FRMD3: variants seen among roughly 807,000 people sequenced by gnomAD.
FRMD3 encodes the protein FERM domain containing 3.
In FRMD3, 33 loss-of-function variants were observed where a neutral mutation model predicts 70.2. The ratio of observed to expected loss-of-function variants is 0.47; its 90% CI spans 0.36 to 0.63. The LOEUF (loss-of-function observed/expected upper bound fraction) is 0.63. Among genes scored for constraint, FRMD3 ranks in the 20% least tolerant of loss-of-function variants. The pLI is 0.00. For synonymous variants in FRMD3, 279 were observed against 255.9 expected (o/e 1.09, Z -0.86); for missense variants, 632 against 711.4 (o/e 0.89, Z 1.27).
At chr9:83,499,182 CAGTA>C (rs1829009832) in intron 1 of FRMD3, among the ~76,000 whole-genome samples, 1 of 152,134 alleles carries the variant, frequency 6.6e-6, no homozygotes, top group Admixed American at 6.5e-5. Flanking sequence ...ATTCTGGGTG[CAGTA>C]CTGTCCAAAA....
chr9:83,462,411 T>A (rs1828001654), intron 1 of FRMD3, among the ~76,000 whole-genome samples: 1 of 152,198 alleles, frequency 6.6e-6, no homozygotes, highest in Non-Finnish European at 1.5e-5. Context: ...ACAGCTAAGA[T>A]GCCCATTTTC....
intron 2 of FRMD3, among the ~76,000 whole-genome samples, chr9:83,386,737 CTA>C (rs1825520643): frequency 1.3e-5 from 2 of 152,170 alleles, no homozygotes; most frequent in Admixed American, 1.3e-4. Context: ...CTATACTTGT[CTA>C]TGTTTCAGGA....
rs201712049 is a variant in FRMD3 at position 83,538,035 on chromosome 9, C to T, written c.147+50G>A. On this transcript the variant is annotated intron_variant, in intron 1 of 13. Coordinates refer to ENST00000304195, the MANE Select transcript of FRMD3 (RefSeq NM_174938.6). The surrounding 1 kb of genome is among the most constrained non-coding windows in gnomAD (Gnocchi z 4.7). Reference sequence around the variant, plus strand: ...TCGCATGCCCACCGCAAAGGCCCCCCGCCCTGCTCCCGGCGTGTGCCCCGC... The same window carrying T: ...TCGCATGCCCACCGCAAAGGCCCCCTGCCCTGCTCCCGGCGTGTGCCCCGC... The T allele has an allele frequency of 1.8e-4, 295 of 1,596,062 alleles. 2 individuals are homozygous for T. In the East Asian group the frequency reaches 6.5e-3, roughly 35 times the overall value.
At chr9:83,347,952 C>G (rs960911524) in intron 4 of FRMD3, among the ~76,000 whole-genome samples, 2 of 152,194 alleles carry the variant, frequency 1.3e-5, no homozygotes, top group Non-Finnish European at 2.9e-5. Context: ...CATACCTGAG[C>G]TATTTAGTCA....
chr9:83,481,234 T>C (rs1307947180), intron 1 of FRMD3, among the ~76,000 whole-genome samples: 2 of 152,198 alleles, frequency 1.3e-5, no homozygotes, highest in Non-Finnish European at 2.9e-5. Context: ...TATTACATTA[T>C]TATAAACAAA....
chr9:83,475,924 C>A (rs980291152), intron 1 of FRMD3, among the ~76,000 whole-genome samples: 1 of 152,176 alleles, frequency 6.6e-6, no homozygotes, highest in South Asian at 2.1e-4. Context: ...TTCCTCCTCC[C>A]CCCAGGCCTC....
intron 1 of FRMD3, among the ~76,000 whole-genome samples, chr9:83,490,154 C>A (rs1208702242): frequency 6.6e-6 from 1 of 152,146 alleles, no homozygotes; most frequent in Non-Finnish European, 1.5e-5. Context: ...AGAAACAGAA[C>A]TACAAATCTG....
intron 1 of FRMD3, among the ~76,000 whole-genome samples, chr9:83,508,374 C>G (rs1357814056): frequency 6.6e-6 from 1 of 152,232 alleles, no homozygotes; most frequent in African/African-American, 2.4e-5. Context: ...AAACATCATG[C>G]TGTACGCACA....
chr9:83,420,937 CTTTTTTTTTTTT>C (rs897070718), intron 1 of FRMD3, among the ~76,000 whole-genome samples: 9 of 107,718 alleles, frequency 8.4e-5, no homozygotes, highest in African/African-American at 3.4e-4. Context: ...TTTCTTTCTT[CTTTTTTTTTTTT>C]TTTTTTTTTG....
intron 8 of FRMD3, 92 bp downstream of exon 8, chr9:83,311,795 T>C: frequency 1.1e-6 from 1 of 871,882 alleles, no homozygotes; most frequent in Non-Finnish European, 1.9e-6. Flanking sequence ...ATACCAGGCA[T>C]TCTACCTGAC....
At position 83,468,035 on chromosome 9, in the gene FRMD3, A is replaced by T. The variant is rs1828175840; in HGVS notation, c.147+70050T>A. ...AAAAATCAGTGGGAATAAAGACATC[A>T]GCCAAAAAATGAGTTCATTGTTCAT... On this transcript the variant is annotated intron_variant, in intron 1 of 13. Transcript: ENST00000304195. 3.9e-5 allele frequency among the ~76,000 whole-genome samples: 6 copies of T among 152,322 alleles called. No individual in the cohort carries two copies. In the South Asian group the frequency reaches 1.2e-3, roughly 32 times the overall value.
At chr9:83,426,630 G>A (rs1826819236) in intron 1 of FRMD3, among the ~76,000 whole-genome samples, 1 of 152,218 alleles carries the variant, frequency 6.6e-6, no homozygotes, top group South Asian at 2.1e-4. Flanking sequence ...GGATAAGTGG[G>A]AGGAGGCATT....
At position 83,538,233 on chromosome 9, in the gene FRMD3, C is replaced by T. The variant is rs1829945328; in HGVS notation, c.-2G>A. ...CACACAGTGGCAGGAGGCGAACATG[C>T]ACCGCGGCCGTGGGGAGCGAGCGGG... On this transcript the variant is annotated 5_prime_UTR_variant, in exon 1 of 14. Coordinates refer to ENST00000304195, the MANE Select transcript of FRMD3 (RefSeq NM_174938.6). This position sits in a 1 kb window ranked among gnomAD's most constrained non-coding sequence, Gnocchi z 4.7. 6.4e-7 allele frequency: 1 copy of T among 1,562,626 alleles called. No individual in the cohort carries two copies. The highest frequency in any genetic ancestry group is 1.4e-5 in the African/African-American group (1 of 73,796).
the FRMD3 span, among the ~76,000 whole-genome samples, chr9:83,580,534 T>A: frequency 1.3e-5 from 2 of 152,126 alleles, no homozygotes; most frequent in African/African-American, 4.8e-5. Context: ...TACCTCGTGA[T>A]CTCACTTATA....
At chr9:83,420,154 T>C (rs115468906) in intron 1 of FRMD3, among the ~76,000 whole-genome samples, 1 of 152,316 alleles carries the variant, frequency 6.6e-6, no homozygotes, top group African/African-American at 2.4e-5. Flanking sequence ...GTGTGCTCTG[T>C]TACCCTGTAA....
chr9:83,480,012 C>T (rs138338979), intron 1 of FRMD3, among the ~76,000 whole-genome samples: 281 of 152,238 alleles, frequency 1.8e-3, no homozygotes, highest in South Asian at 3.7e-3. Context: ...TAAATTAGTG[C>T]AACCTTTGAG....
rs769654659 is a variant in FRMD3 at position 83,311,953 on chromosome 9, A to C, written c.707T>G (p.Phe236Cys). The C allele has an allele frequency of 1.9e-6, 3 of 1,610,904 alleles. No homozygotes were observed. The highest frequency in any genetic ancestry group is 2.5e-6 in the Non-Finnish European group (3 of 1,178,816). The change falls in exon 8 of 14, where the codon TTT becomes TGT. Residue 236 changes from phenylalanine (F) to cysteine (C), a missense_variant. Transcript: ENST00000304195. ...AAAGCCTGCAGCTGTGAATCCTAAAAATGTTGTTGTGCCTGTTGAATCCTG... is the reference window on the plus strand; with the variant it reads ...AAAGCCTGCAGCTGTGAATCCTAAACATGTTGTTGTGCCTGTTGAATCCTG... ...PCKDSTGTTT[F>C]LGFTAAGFVV...
At chr9:83,375,445 C>T (rs1296689882) in intron 2 of FRMD3, among the ~76,000 whole-genome samples, 4 of 152,206 alleles carry the variant, frequency 2.6e-5, no homozygotes, top group Non-Finnish European at 5.9e-5. Context: ...AAGGTGATCT[C>T]TACACACTTT....
intron 1 of FRMD3, among the ~76,000 whole-genome samples, chr9:83,506,449 T>C (rs572080024): frequency 3.7e-4 from 56 of 152,350 alleles, no homozygotes; most frequent in African/African-American, 1.3e-3. Context: ...CAGATCTGTA[T>C]AGCATGTGAC....
Sources: allele counts gnomAD v4.1 joint callset (sites outside exome capture counted in the v4.1 genomes callset), GRCh38; gene constraint gnomAD v4.1.1; non-coding constraint Gnocchi (gnomAD v3.1); transcripts MANE v1.5; gene names NCBI Gene and HGNC (gene_info 2026-07-23, HGNC 2026-07-21).